RIMS2: variants seen among roughly 807,000 people sequenced by gnomAD.
The protein encoded by RIMS2 is regulating synaptic membrane exocytosis protein 2.
A neutral mutation model predicts 174.4 loss-of-function variants in RIMS2; 59 were observed. The observed-to-expected ratio is 0.34, with a 90% CI of 0.27 to 0.42. The LOEUF (loss-of-function observed/expected upper bound fraction) is 0.42. Ranked by LOEUF, RIMS2 falls within the 10% of genes least tolerant of loss-of-function variation. RIMS2 has a pLI of 1.00. For missense variants in RIMS2, 1,620 were observed against 1,666.3 expected (o/e 0.97, Z 0.48); for synonymous variants, 606 against 572.5 (o/e 1.06, Z -0.84).
rs1478664704 is a variant in RIMS2, at chr8:103,819,699, A to G, written c.698+53162A>G. ...AGAATAATCTTATATGCCAGTAAAA[A>G]TTGTTTTGTATTGAAGTGCTAGTGT... On this transcript the variant is annotated intron_variant, in intron 3 of 23. Coordinates refer to ENST00000504942, the Ensembl canonical transcript of RIMS2. The G allele has an allele frequency of 2.5e-6, 3 of 1,223,942 alleles. No individual in the cohort carries two copies. In the East Asian group the frequency reaches 7.3e-5, roughly 30 times the overall value. 75.8% of individuals were successfully genotyped at this position (1,223,942 alleles called of 1,614,324 possible).
intron 14 of RIMS2, among the ~76,000 whole-genome samples, chr8:103,952,790 GA>G (rs1565495549): frequency 4.6e-5 from 7 of 152,128 alleles, no homozygotes. Flanking sequence ...GTCGACTTCA[GA>G]AAGTGGGTAA....
intron 2 of RIMS2, among the ~76,000 whole-genome samples, chr8:103,751,405 A>G (rs2097889605): frequency 6.6e-6 from 1 of 151,698 alleles, no homozygotes; most frequent in African/African-American, 2.4e-5. Flanking sequence ...CACAATAAAC[A>G]TACGTGTGCA....
chr8:103,750,323 A>T (rs2097870200), intron 2 of RIMS2, among the ~76,000 whole-genome samples: 1 of 152,192 alleles, frequency 6.6e-6, no homozygotes, highest in Non-Finnish European at 1.5e-5. Flanking sequence ...ACTGATTCAA[A>T]GATTAAACAA....
At chr8:103,790,362 G>T (rs151122425) in intron 3 of RIMS2, among the ~76,000 whole-genome samples, 3 of 152,080 alleles carry the variant, frequency 2.0e-5, no homozygotes, top group African/African-American at 7.2e-5. Flanking sequence ...CAATTATGTA[G>T]CCTTTTGTTA....
intron 19 of RIMS2, among the ~76,000 whole-genome samples, chr8:104,220,971 T>A (rs1026056): frequency 0.33 from 50,638 of 151,952 alleles, 8,732 homozygotes; most frequent in African/African-American, 0.43. Flanking sequence ...CCCCCGATCT[T>A]AAGTTAGGGA....
At chr8:103,556,917 A>T (rs1475858682) in intron 1 of RIMS2, among the ~76,000 whole-genome samples, 1 of 152,130 alleles carries the variant, frequency 6.6e-6, no homozygotes, top group African/African-American at 2.4e-5. Context: ...GCTTCTATGG[A>T]TCATGGCGGG....
chr8:103,565,262 A>G (rs574781680), intron 1 of RIMS2, among the ~76,000 whole-genome samples: 224 of 152,166 alleles, frequency 1.5e-3, no homozygotes, highest in South Asian at 2.7e-3. Context: ...TAAATGTACT[A>G]AAGTTAAGGA....
chr8:103,521,236 G>A (rs1040036580), intron 1 of RIMS2, among the ~76,000 whole-genome samples: 6 of 151,680 alleles, frequency 4.0e-5, no homozygotes, highest in Non-Finnish European at 5.9e-5. Flanking sequence ...GTATACATAT[G>A]TAACAAACCT....
chr8:103,911,108 G>A lies in RIMS2; in HGVS notation c.1692+907G>A, dbSNP rs563240023. Among the ~76,000 whole-genome samples the A allele has an allele frequency of 5.9e-5, 9 of 152,106 alleles. No individual in the cohort carries two copies. In the South Asian group the frequency reaches 1.9e-3, roughly 32 times the overall value. ...TATCATTGTTGCTCTTAGGATAGTGGGACTTTTGATATCTTTTTACAATAT... is the reference window on the plus strand; with the variant it reads ...TATCATTGTTGCTCTTAGGATAGTGAGACTTTTGATATCTTTTTACAATAT... On this transcript the variant is annotated intron_variant, in intron 5 of 23. Transcript: ENST00000504942.
chr8:103,570,992 T>C (rs1399530261), intron 1 of RIMS2, among the ~76,000 whole-genome samples: 2 of 152,202 alleles, frequency 1.3e-5, no homozygotes, highest in Non-Finnish European at 2.9e-5. Context: ...CTTTGACTGT[T>C]CTTGTACTGT....
chr8:103,530,840 G>T (rs1411843783), intron 1 of RIMS2, among the ~76,000 whole-genome samples: 2 of 151,920 alleles, frequency 1.3e-5, no homozygotes, highest in Non-Finnish European at 2.9e-5. Flanking sequence ...TAATGATATT[G>T]ACTGGGAGGC....
chr8:103,968,998 G>T (rs28826404), intron 15 of RIMS2, among the ~76,000 whole-genome samples: 34,509 of 151,764 alleles, frequency 0.23, 4,140 homozygotes, highest in Non-Finnish European at 0.24. Flanking sequence ...TAGGTTGGTG[G>T]TTTTTTTCTT....
intron 1 of RIMS2, among the ~76,000 whole-genome samples, chr8:103,621,496 G>GC (rs2095634466): frequency 1.3e-5 from 2 of 152,364 alleles, no homozygotes; most frequent in Admixed American, 1.3e-4. Context: ...CCTAATGCTT[G>GC]CTTGGACCAG....
In RIMS2 at chr8:103,503,086, A is replaced by G. The variant is rs1307861168; in HGVS notation, c.176+2024A>G. Among the ~76,000 whole-genome samples, 3 of 151,970 alleles carry G rather than the reference A, an allele frequency of 2.0e-5. No homozygotes were observed. In the East Asian group the frequency reaches 5.8e-4, roughly 29 times the overall value. On this transcript the variant is annotated intron_variant, in intron 1 of 23. Transcript: ENST00000504942. ...ACAAATGTTCTCTAAATACATATTC[A>G]TACAATCTATAAAATTACATTGATG...
chr8:104,188,049 A>T (rs62508128), intron 19 of RIMS2, among the ~76,000 whole-genome samples: 2 of 151,798 alleles, frequency 1.3e-5, no homozygotes, highest in African/African-American at 2.4e-5. Context: ...ATGTAGAAGT[A>T]ATCACATATA....
chr8:103,823,082 G>A (rs1403914328), intron 3 of RIMS2, among the ~76,000 whole-genome samples: 3 of 151,884 alleles, frequency 2.0e-5, no homozygotes, highest in South Asian at 2.1e-4. Context: ...CTAATTTTTA[G>A]CCGTCTTTTT....
intron 19 of RIMS2, among the ~76,000 whole-genome samples, chr8:104,044,942 GA>G (rs1384130330): frequency 6.6e-5 from 10 of 151,756 alleles, no homozygotes; most frequent in African/African-American, 2.4e-4. Context: ...AATTATTTTA[GA>G]AAAGGAAGCA....
At chr8:103,862,455 G>A (rs1469372449) in intron 3 of RIMS2, among the ~76,000 whole-genome samples, 1 of 151,658 alleles carries the variant, frequency 6.6e-6, no homozygotes, top group Non-Finnish European at 1.5e-5. Flanking sequence ...GGCTATTCAG[G>A]CTCTTTTTTG....
In RIMS2 at chr8:103,883,742, A is replaced by C. The variant is rs2099182676; in HGVS notation, c.699-1556A>C. On this transcript the variant is annotated intron_variant, in intron 3 of 23. Transcript: ENST00000504942. The stretch of plus-strand genomic sequence containing the variant: ...ATGAGATTTGAAAGGTAGAGGATAT[A>C]CAGAAGCCATTATTGTCAAGCATTA... Among the ~76,000 whole-genome samples, 3 of 151,914 alleles carry C rather than the reference A, an allele frequency of 2.0e-5. No homozygotes were observed. In the South Asian group the frequency reaches 6.2e-4, roughly 31 times the overall value.
Sources: gnomAD v4.1 joint callset for allele counts (sites outside exome capture counted in the v4.1 genomes callset) on GRCh38, gnomAD v4.1.1 for gene constraint, MANE v1.5 for transcripts, NCBI Gene and HGNC (gene_info 2026-07-23, HGNC 2026-07-21) for gene names.